FNDC3B: variants seen among roughly 807,000 people sequenced by gnomAD.
FNDC3B encodes the protein fibronectin type III domain containing 3B.
Under a neutral mutation model 151.5 loss-of-function variants are expected in FNDC3B, and 12 were observed. That is an observed-to-expected ratio of 0.08 (90% CI 0.05 to 0.13). The LOEUF (loss-of-function observed/expected upper bound fraction) is 0.13, where lower values mean the gene tolerates loss of function less well. FNDC3B is among the 10% of genes least tolerant of loss of function. The pLI is 1.00. For missense variants in FNDC3B, 1,214 were observed against 1,505.3 expected (o/e 0.81, Z 3.20); for synonymous variants, 528 against 549.0 (o/e 0.96, Z 0.54).
chr3:172,059,864 G>T (rs1717105400), intron 1 of FNDC3B, among the ~76,000 whole-genome samples: 1 of 152,102 alleles, frequency 6.6e-6, no homozygotes, highest in South Asian at 2.1e-4. Flanking sequence ...TAAATAGAGG[G>T]CATGTATTAC....
intron 1 of FNDC3B, among the ~76,000 whole-genome samples, chr3:172,088,428 G>A (rs1022635624): frequency 2.0e-5 from 3 of 152,156 alleles, no homozygotes; most frequent in East Asian, 1.9e-4. Flanking sequence ...AGTATCATGT[G>A]GGTTTCAGTC....
chr3:172,335,317 G>A (rs1323641674), intron 15 of FNDC3B: 1 of 374,088 alleles, frequency 2.7e-6, no homozygotes, highest in Non-Finnish European at 4.7e-6. Flanking sequence ...AAATTAAAAT[G>A]GATGATTTTT....
chr3:172,219,403 AG>A (rs1726158207), intron 3 of FNDC3B, among the ~76,000 whole-genome samples: 1 of 152,196 alleles, frequency 6.6e-6, no homozygotes, highest in African/African-American at 2.4e-5. Context: ...GTAGCTTGTT[AG>A]TAACCCCAGT....
rs979608960 is a variant in FNDC3B at position 172,370,736 on chromosome 3, G to A, written c.3009-7534G>A. Among the ~76,000 whole-genome samples, 6 of 152,190 alleles carry A rather than the reference G, an allele frequency of 3.9e-5. No homozygotes were observed. In the South Asian group the frequency reaches 8.3e-4, roughly 21 times the overall value. ...CTGACCGGCAAGCAGAATAAAATAAGCAGTCATTGGGTATTCACAAACACA... is the reference window on the plus strand; with the variant it reads ...CTGACCGGCAAGCAGAATAAAATAAACAGTCATTGGGTATTCACAAACACA... On this transcript the variant is annotated intron_variant, in intron 23 of 25. Transcript: ENST00000415807.
At chr3:172,309,207 T>C (rs1731341120) in intron 10 of FNDC3B, among the ~76,000 whole-genome samples, 1 of 152,242 alleles carries the variant, frequency 6.6e-6, no homozygotes, top group South Asian at 2.1e-4. Context: ...CTGATCAAAG[T>C]GCTCCAGGTG....
chr3:172,394,098 A>T (rs1736151407), intron 25 of FNDC3B, among the ~76,000 whole-genome samples: 1 of 111,734 alleles, frequency 8.9e-6, no homozygotes, highest in Non-Finnish European at 1.7e-5. Context: ...ACAGAGTGAG[A>T]CTCCTTCTAA....
chr3:172,113,318 G>C (rs1183591883), intron 2 of FNDC3B, among the ~76,000 whole-genome samples: 3 of 152,074 alleles, frequency 2.0e-5, no homozygotes, highest in Non-Finnish European at 4.4e-5. Flanking sequence ...AAGTAGAATT[G>C]GGAGCAATTG....
At chr3:172,263,798 A>G (rs1728783616) in intron 6 of FNDC3B, among the ~76,000 whole-genome samples, 1 of 152,102 alleles carries the variant, frequency 6.6e-6, no homozygotes, top group Non-Finnish European at 1.5e-5. Flanking sequence ...AACATCATCT[A>G]CAACATTACG....
At chr3:172,234,679 A>G (rs1727050117) in intron 4 of FNDC3B, among the ~76,000 whole-genome samples, 1 of 152,238 alleles carries the variant, frequency 6.6e-6, no homozygotes, top group South Asian at 2.1e-4. Context: ...AGTAGGATTG[A>G]CACAGTATCA....
At chr3:172,345,488 A>G (rs1733560072) in intron 19 of FNDC3B, among the ~76,000 whole-genome samples, 1 of 152,134 alleles carries the variant, frequency 6.6e-6, no homozygotes, top group East Asian at 1.9e-4. Context: ...AATTAACCAT[A>G]TATATCGCTG....
At chr3:172,304,416 A>C (rs908568902) in intron 9 of FNDC3B, among the ~76,000 whole-genome samples, 1 of 152,264 alleles carries the variant, frequency 6.6e-6, no homozygotes, top group East Asian at 1.9e-4. Flanking sequence ...GCAAACTGAC[A>C]TACTTACTGG....
intron 1 of FNDC3B, among the ~76,000 whole-genome samples, chr3:172,098,238 A>G (rs1719188102): frequency 6.6e-6 from 1 of 152,080 alleles, no homozygotes; most frequent in African/African-American, 2.4e-5. Flanking sequence ...AAAAAGCCAA[A>G]CCCTGAGGCT....
intron 6 of FNDC3B, among the ~76,000 whole-genome samples, chr3:172,280,358 C>A (rs562606462): frequency 9.9e-4 from 150 of 152,222 alleles, no homozygotes; most frequent in African/African-American, 3.5e-3. Context: ...ATTTCTGTTT[C>A]TTTTTTGTTT....
intron 3 of FNDC3B, among the ~76,000 whole-genome samples, chr3:172,170,661 G>C (rs1035067813): frequency 1.3e-5 from 2 of 152,168 alleles, no homozygotes; most frequent in Admixed American, 6.5e-5. Flanking sequence ...AGACTGTGGG[G>C]AATCTTACAA....
At chr3:172,200,635 A>G (rs886869128) in intron 3 of FNDC3B, among the ~76,000 whole-genome samples, 3 of 152,204 alleles carry the variant, frequency 2.0e-5, no homozygotes, top group African/African-American at 7.2e-5. Context: ...AGGCTAAGCT[A>G]TGATGTTTGG....
At chr3:172,373,110 G>T (rs1734959099) in intron 23 of FNDC3B, among the ~76,000 whole-genome samples, 1 of 152,164 alleles carries the variant, frequency 6.6e-6, no homozygotes. Flanking sequence ...AAGCAGGTGT[G>T]ACTCCTCGTG....
chr3:172,200,234 G>C (rs1725075650), intron 3 of FNDC3B, among the ~76,000 whole-genome samples: 2 of 152,166 alleles, frequency 1.3e-5, no homozygotes, highest in African/African-American at 4.8e-5. Context: ...AGAGGAAACT[G>C]GAGTACCTAG....
chr3:172,365,946 TAGA>T (rs1310182370), intron 23 of FNDC3B, among the ~76,000 whole-genome samples: 1 of 152,174 alleles, frequency 6.6e-6, no homozygotes, highest in East Asian at 1.9e-4. Context: ...GGGGTTAAAC[TAGA>T]AGACGATCTC....
At chr3:172,101,563 ATTG>A (rs1719383321) in intron 1 of FNDC3B, among the ~76,000 whole-genome samples, 1 of 152,130 alleles carries the variant, frequency 6.6e-6, no homozygotes, top group African/African-American at 2.4e-5. Flanking sequence ...CTTTTGGAAT[ATTG>A]TTATTATTAA....
Sources: gnomAD v4.1 joint callset for allele counts (sites outside exome capture counted in the v4.1 genomes callset) on GRCh38, gnomAD v4.1.1 for gene constraint, MANE v1.5 for transcripts, NCBI Gene and HGNC (gene_info 2026-07-23, HGNC 2026-07-21) for gene names.